TP63: variants seen among roughly 807,000 people sequenced by gnomAD.
TP63 encodes the protein tumor protein p63, also known as tumor protein 63.
A neutral mutation model predicts 82.8 loss-of-function variants in TP63; 17 were observed. The ratio of observed to expected loss-of-function variants is 0.21; its 90% CI spans 0.14 to 0.31. The LOEUF (loss-of-function observed/expected upper bound fraction) is 0.31, where lower values mean the gene tolerates loss of function less well. Among genes scored for constraint, TP63 ranks in the 10% least tolerant of loss-of-function variants. The pLI is 1.00. For missense variants in TP63, 648 were observed against 895.3 expected (o/e 0.72, Z 3.52); for synonymous variants, 330 against 321.7 (o/e 1.03, Z -0.28).
chr3:189,872,847 TCACTTC>T lies in TP63; in HGVS notation c.1213-9_1213-4del. 1 of 1,614,144 alleles carries T rather than the reference TCACTTC, an allele frequency of 6.2e-7. No individual in the cohort carries two copies. The highest frequency in any genetic ancestry group is 2.2e-5 in the East Asian group (1 of 44,870). On this transcript the variant is annotated splice_polypyrimidine_tract_variant and splice_region_variant and intron_variant, in intron 9 of 13. Coordinates refer to ENST00000264731, the MANE Select transcript of TP63 (RefSeq NM_003722.5). ...TTCATGTTTCCTTCTTTCCTTCTGC[TCACTTC>T]CATAGGTGAGGGGCCGTGAGACTTA... is the stretch of plus-strand genomic sequence containing the variant.
At chr3:189,770,489 C>T (rs979340050) in intron 3 of TP63, among the ~76,000 whole-genome samples, 19 of 151,244 alleles carry the variant, frequency 1.3e-4, no homozygotes, top group East Asian at 1.9e-4. Context: ...TGCTGGAGCC[C>T]GGGAGACAGA....
intron 10 of TP63, among the ~76,000 whole-genome samples, chr3:189,883,380 G>A (rs1382332346): frequency 1.3e-5 from 2 of 152,066 alleles, no homozygotes; most frequent in African/African-American, 2.4e-5. Flanking sequence ...AAGGCATTCC[G>A]AATTTCTGAC....
At chr3:189,824,483 T>A (rs1729128990) in intron 4 of TP63, among the ~76,000 whole-genome samples, 1 of 152,122 alleles carries the variant, frequency 6.6e-6, no homozygotes, top group African/African-American at 2.4e-5. Flanking sequence ...TCCACCTGCC[T>A]CAGCCTCCCA....
intron 1 of TP63, among the ~76,000 whole-genome samples, chr3:189,661,735 A>G (rs1920274): frequency 0.3 from 44,823 of 151,796 alleles, 7,528 homozygotes; most frequent in Middle Eastern, 0.49. Flanking sequence ...TTTAATGCCA[A>G]TTCCATTTCA....
At chr3:189,671,745 G>A (rs1394568702) in intron 1 of TP63, among the ~76,000 whole-genome samples, 1 of 152,040 alleles carries the variant, frequency 6.6e-6, no homozygotes, top group Non-Finnish European at 1.5e-5. Context: ...CAGCAACATG[G>A]ATGAGCCTGG....
chr3:189,891,468 A>G (rs1721010605), intron 13 of TP63, among the ~76,000 whole-genome samples: 1 of 152,170 alleles, frequency 6.6e-6, no homozygotes, highest in Admixed American at 6.5e-5. Flanking sequence ...ATTAATTTTC[A>G]GTTTCATCCT....
At chr3:189,794,241 G>A (rs1350221832) in intron 3 of TP63, among the ~76,000 whole-genome samples, 1 of 151,988 alleles carries the variant, frequency 6.6e-6, no homozygotes, top group Non-Finnish European at 1.5e-5. Flanking sequence ...TATGTAAAAT[G>A]GTATATAGGA....
chr3:189,782,541 GA>G (rs1179599373), intron 3 of TP63, among the ~76,000 whole-genome samples: 1 of 152,118 alleles, frequency 6.6e-6, no homozygotes, highest in Non-Finnish European at 1.5e-5. Context: ...GCCATCTTCA[GA>G]AATACATATA....
At chr3:189,864,482 T>G (rs1305161797) in intron 5 of TP63, 64 bp downstream of exon 5, 12 of 1,545,804 alleles carry the variant, frequency 7.8e-6, no homozygotes, top group Non-Finnish European at 9.6e-6. Flanking sequence ...GTGGGCATTT[T>G]TGTTTGAGAC....
Position 189,881,389 on chromosome 3 carries a change from A to T in TP63, c.1350-5005A>T, listed in dbSNP as rs1472524579. 5 of 985,292 alleles carry T rather than the reference A, an allele frequency of 5.1e-6. No individual in the cohort carries two copies. In the South Asian group the frequency reaches 2.3e-4, roughly 46 times the overall value. 61.0% of individuals were successfully genotyped at this position (985,292 alleles called of 1,614,324 possible). A position where few individuals can be genotyped will look rare whatever the true frequency, so the allele number is the denominator to read the frequency against. On this transcript the variant is annotated intron_variant, in intron 10 of 13. Coordinates refer to ENST00000264731, the MANE Select transcript of TP63 (RefSeq NM_003722.5). ...CCCCTCCATCTTCCCACACCCAGTC[A>T]CCAGCACTGTATTTTCTGTCACCAA...
rs373403368 is a variant in TP63, at chr3:189,851,287, G to C, written c.580-12945G>C. Among the ~76,000 whole-genome samples, 8 of 152,282 alleles carry C rather than the reference G, an allele frequency of 5.3e-5. 2 individuals are homozygous for C. The highest frequency in any genetic ancestry group is 1.9e-4 in the African/African-American group (8 of 41,562). On this transcript the variant is annotated intron_variant, in intron 4 of 13. Coordinates refer to ENST00000264731, the MANE Select transcript of TP63 (RefSeq NM_003722.5). ...AAATGTGTTATTTCCAGCCAGGCGC[G>C]GTGGCTCACACTCGTAATCCCAGCA...
At chr3:189,833,561 G>A (rs557900025) in intron 4 of TP63, among the ~76,000 whole-genome samples, 1 of 152,146 alleles carries the variant, frequency 6.6e-6, no homozygotes, top group Non-Finnish European at 1.5e-5. Flanking sequence ...CTACCAATCT[G>A]TCCACGTTGA....
intron 3 of TP63, among the ~76,000 whole-genome samples, chr3:189,741,924 C>A (rs934601692): frequency 1.3e-5 from 2 of 152,052 alleles, no homozygotes; most frequent in Non-Finnish European, 2.9e-5. Flanking sequence ...CAAGGAACTT[C>A]TAGGTTCTTG....
At chr3:189,774,217 C>A (rs1016825996) in intron 3 of TP63, among the ~76,000 whole-genome samples, 2 of 152,058 alleles carry the variant, frequency 1.3e-5, no homozygotes, top group Non-Finnish European at 2.9e-5. Flanking sequence ...CCACCACGCC[C>A]GGCCGTATTC....
chr3:189,831,818 CTTTTTTTTTTT>C (rs1156431272), intron 4 of TP63, among the ~76,000 whole-genome samples: 11 of 73,170 alleles, frequency 1.5e-4, no homozygotes, highest in Admixed American at 6.1e-4. Flanking sequence ...CTATTATGCT[CTTTTTTTTTTT>C]TTTTTTTTTT....
At chr3:189,889,302 T>C (rs377563030) in intron 11 of TP63, 38 bp from the exon 12 acceptor site, 3 of 1,614,174 alleles carry the variant, frequency 1.9e-6, no homozygotes, top group South Asian at 2.2e-5. Flanking sequence ...TACATGATGA[T>C]GGCAGTAACC....
At chr3:189,734,297 G>A (rs1179314212) in intron 1 of TP63, among the ~76,000 whole-genome samples, 4 of 150,478 alleles carry the variant, frequency 2.7e-5, no homozygotes, top group African/African-American at 9.8e-5. Context: ...TCAGCCTCTC[G>A]AATAGCTGGG....
At chr3:189,681,904 C>T (rs1715938286) in intron 1 of TP63, among the ~76,000 whole-genome samples, 1 of 152,104 alleles carries the variant, frequency 6.6e-6, no homozygotes, top group Non-Finnish European at 1.5e-5. Context: ...CTAAGTGAAC[C>T]AACCAGACCA....
At chr3:189,706,306 G>T (rs1220144114) in intron 1 of TP63, among the ~76,000 whole-genome samples, 2 of 151,818 alleles carry the variant, frequency 1.3e-5, no homozygotes, top group Non-Finnish European at 2.9e-5. Flanking sequence ...ACCCAGGCTG[G>T]AGTACAGTGG....
Sources: allele counts gnomAD v4.1 joint callset (sites outside exome capture counted in the v4.1 genomes callset), GRCh38; gene constraint gnomAD v4.1.1; transcripts MANE v1.5; gene names NCBI Gene and HGNC (gene_info 2026-07-23, HGNC 2026-07-21).